The following CUX1 variants were observed in gnomAD, a reference collection of about 807,000 sequenced individuals.
CUX1 encodes protein CASP.
In CUX1, 31 loss-of-function variants were observed where a neutral mutation model predicts 158.8. The observed-to-expected ratio is 0.20, with a 90% CI of 0.15 to 0.26. The LOEUF is 0.26. CUX1 is among the 10% of genes least tolerant of loss of function. The pLI, the probability that CUX1 is intolerant of heterozygous loss-of-function variation, is 1.00. For missense variants in CUX1, 1,589 were observed against 2,014.6 expected (o/e 0.79, Z 4.04); for synonymous variants, 879 against 862.1 (o/e 1.02, Z -0.34).
intron 1 of CUX1, among the ~76,000 whole-genome samples, chr7:101,846,958 C>G (rs537172635): frequency 6.6e-6 from 1 of 151,936 alleles, no homozygotes; most frequent in South Asian, 2.1e-4. Flanking sequence ...ATAGCAAGAC[C>G]CTGTCTCTAC....
intron 14 of CUX1, among the ~76,000 whole-genome samples, chr7:102,264,072 G>A (rs1369312054): frequency 1.5e-5 from 2 of 130,594 alleles, no homozygotes; most frequent in African/African-American, 5.8e-5. Flanking sequence ...GTGGCGTGAT[G>A]TCAGCTCACT....
intron 21 of CUX1, among the ~76,000 whole-genome samples, chr7:102,228,503 T>G (rs1233346619): frequency 1.3e-5 from 2 of 151,786 alleles, no homozygotes; most frequent in African/African-American, 4.8e-5. Context: ...TATAACAGAT[T>G]TAAAAATTAG....
chr7:102,163,810 C>G (rs1790718160), intron 9 of CUX1, among the ~76,000 whole-genome samples: 1 of 152,154 alleles, frequency 6.6e-6, no homozygotes, highest in Non-Finnish European at 1.5e-5. Flanking sequence ...TCAGGAAACC[C>G]CCCAGGAGGA....
Position 102,178,497 on chromosome 7 carries a change from C to T in CUX1, c.857C>T (p.Ser286Phe). 6.2e-7 allele frequency: 1 copy of T among 1,611,004 alleles called. No individual in the cohort carries two copies. The highest frequency in any genetic ancestry group is 8.5e-7 in the Non-Finnish European group (1 of 1,177,544). Residue 286 changes from serine (S) to phenylalanine (F), a missense_variant, in exon 11 of 24, where the codon TCC (serine) becomes TTC (phenylalanine). By Grantham distance (155) the Ser-to-Phe change is radical. Transcript: ENST00000292535. ...CAGGCCATAGAGGTGCTGACCCGCT[C>T]CAGCCTAGAAGTTGAGTTGGCCGCC... ...VEQAIEVLTR[S>F]SLEVELAAKE...
intron 2 of CUX1, among the ~76,000 whole-genome samples, chr7:102,004,425 T>G (rs1450982063): frequency 6.6e-6 from 1 of 152,122 alleles, no homozygotes; most frequent in Non-Finnish European, 1.5e-5. Context: ...CAAATCCCCC[T>G]CCTCCCACAT....
chr7:102,200,208 C>T (rs1795269009), intron 17 of CUX1, 36 bp downstream of exon 17: 1 of 1,541,460 alleles, frequency 6.5e-7, no homozygotes, highest in Non-Finnish European at 8.9e-7. Flanking sequence ...TGTCTTCAAA[C>T]TTAATTAAGA....
In CUX1 at chr7:101,869,975, C is replaced by A. The variant is rs566428197; in HGVS notation, c.31-46140C>A. On this transcript the variant is annotated intron_variant, in intron 1 of 23. Coordinates refer to ENST00000292535, the MANE Select transcript of CUX1 (RefSeq NM_181552.4). This position sits in a 1 kb window ranked among gnomAD's most constrained non-coding sequence, Gnocchi z 4.5. ...GGGAAGGCGGCTCCTCGTGCCCCCCCTCTTGTGCCTTCCCTCCCCAGTGCC... is the reference window on the plus strand; with the variant it reads ...GGGAAGGCGGCTCCTCGTGCCCCCCATCTTGTGCCTTCCCTCCCCAGTGCC... 2.9e-4 allele frequency among the ~76,000 whole-genome samples: 44 copies of A among 152,008 alleles called. 1 individual carries two copies. The South Asian group carries it at 6.7e-3, about 23-fold the overall frequency.
At chr7:102,173,365 A>G (rs543239074) in intron 10 of CUX1, among the ~76,000 whole-genome samples, 1 of 152,338 alleles carries the variant, frequency 6.6e-6, no homozygotes, top group South Asian at 2.1e-4. Flanking sequence ...AAAACAAAAC[A>G]AAACAAAAAA....
chr7:102,040,787 C>T (rs186359987), intron 3 of CUX1, among the ~76,000 whole-genome samples: 8 of 152,304 alleles, frequency 5.3e-5, no homozygotes, highest in Admixed American at 1.3e-4. Context: ...CAGGCGCTGC[C>T]GCCCACCACC....
intron 8 of CUX1, among the ~76,000 whole-genome samples, chr7:102,115,903 G>A (rs1831387606): frequency 6.6e-6 from 1 of 152,186 alleles, no homozygotes; most frequent in South Asian, 2.1e-4. Context: ...GGCAGAAATT[G>A]CTCCTAGCCA....
intron 20 of CUX1, among the ~76,000 whole-genome samples, chr7:102,224,185 C>T (rs1290345496): frequency 1.3e-5 from 2 of 151,984 alleles, no homozygotes; most frequent in Non-Finnish European, 2.9e-5. Context: ...ATGCAGCTTC[C>T]AGCTGTCTTC....
intron 1 of CUX1, among the ~76,000 whole-genome samples, chr7:101,849,790 C>T (rs906770305): frequency 1.3e-5 from 2 of 152,122 alleles, no homozygotes; most frequent in African/African-American, 4.8e-5. Context: ...AATTTACACT[C>T]CCACCAACCG....
intron 2 of CUX1, among the ~76,000 whole-genome samples, chr7:101,967,432 G>C (rs2129185247): frequency 6.6e-6 from 1 of 152,350 alleles, no homozygotes; most frequent in East Asian, 1.9e-4. Flanking sequence ...GGACAATTTG[G>C]ATTCCTTCTC....
rs10589615 is a variant in CUX1 at position 101,893,158 on chromosome 7, C to CTTTTTT, written c.31-22935_31-22930dup. ...TTCTTTTTACTTTTTATTTTTATTA[C>CTTTTTT]TTTTTTTTTTTTTTTTTTTTTTTTT... On this transcript the variant is annotated intron_variant, in intron 1 of 23. Transcript: ENST00000292535. 1.5e-3 allele frequency among the ~76,000 whole-genome samples: 95 copies of CTTTTTT among 64,942 alleles called. 29 individuals are homozygous for CTTTTTT. Among genetic ancestry groups the CTTTTTT allele is most frequent in the Non-Finnish European group, 2.2e-3 (81 of 36,624 alleles). The allele number at this position is 64,942 out of a possible 152,430, so 42.6% of individuals were successfully genotyped here.
At chr7:102,178,860 C>T (rs578152944) in intron 11 of CUX1, among the ~76,000 whole-genome samples, 1 of 152,262 alleles carries the variant, frequency 6.6e-6, no homozygotes, top group East Asian at 1.9e-4. Flanking sequence ...CTTGTGTAAA[C>T]AGCATTTCCC....
chr7:102,205,580 C>A (rs1279809231), intron 20 of CUX1, among the ~76,000 whole-genome samples: 4 of 152,076 alleles, frequency 2.6e-5, no homozygotes. Flanking sequence ...AGCCTCTGAG[C>A]AAGAAAATGG....
intron 2 of CUX1, among the ~76,000 whole-genome samples, chr7:102,017,678 T>A (rs2129311797): frequency 6.6e-6 from 1 of 152,224 alleles, no homozygotes; most frequent in South Asian, 2.1e-4. Flanking sequence ...AAACCCCATC[T>A]CTACTAAAAA....
chr7:101,971,536 A>G (rs1181450674), intron 2 of CUX1, among the ~76,000 whole-genome samples: 1 of 152,230 alleles, frequency 6.6e-6, no homozygotes, highest in East Asian at 1.9e-4. Context: ...TAGAACCAGA[A>G]TTAGACAACT....
intron 20 of CUX1, among the ~76,000 whole-genome samples, chr7:102,220,893 T>C (rs781889514): frequency 4.6e-5 from 7 of 152,198 alleles, no homozygotes; most frequent in Non-Finnish European, 8.8e-5. Flanking sequence ...GTATTTTTAG[T>C]AGAGACAGGG....
Sources: allele counts gnomAD v4.1 joint callset (sites outside exome capture counted in the v4.1 genomes callset), GRCh38; gene constraint gnomAD v4.1.1; non-coding constraint Gnocchi (gnomAD v3.1); transcripts MANE v1.5; gene names NCBI Gene and HGNC (gene_info 2026-07-23, HGNC 2026-07-21).